RYR3: variants seen among roughly 807,000 people sequenced by gnomAD.
The protein encoded by RYR3 is brain ryanodine receptor-calcium release channel.
RYR3 carries 207 observed loss-of-function variants against 584.3 expected under a neutral mutation model. The observed-to-expected ratio is 0.35, with a 90% CI of 0.32 to 0.40. The LOEUF (loss-of-function observed/expected upper bound fraction) is 0.40, where lower values mean the gene tolerates loss of function less well. RYR3 is among the 10% of genes least tolerant of loss of function. RYR3 has a pLI of 1.00. For synonymous variants in RYR3, 2,416 were observed against 2,248.5 expected, an observed-to-expected ratio of 1.07 and a Z score of -2.11; for missense variants, 5,616 against 6,089.2, an observed-to-expected ratio of 0.92 and a Z score of 2.59.
chr15:33,671,966 A>G (rs1242696244), intron 38 of RYR3, among the ~76,000 whole-genome samples: 1 of 151,820 alleles, frequency 6.6e-6, no homozygotes, highest in Non-Finnish European at 1.5e-5. Context: ...GGCATGCGCC[A>G]CCATGTCTGG....
At chr15:33,860,962 C>G in intron 101 of RYR3, 116 bp from the exon 102 acceptor site, 1 of 836,702 alleles carries the variant, frequency 1.2e-6, no homozygotes, top group Non-Finnish European at 2.0e-6. Context: ...TGACTAATAG[C>G]CAAAAGCATT....
At chr15:33,655,381 A>G (rs189166384) in intron 32 of RYR3, among the ~76,000 whole-genome samples, 11 of 152,358 alleles carry the variant, frequency 7.2e-5, no homozygotes, top group Admixed American at 6.5e-4. Context: ...ACGCTAAAGC[A>G]TCTCATAACT....
chr15:33,396,452 A>C (rs1294566816), intron 1 of RYR3, among the ~76,000 whole-genome samples: 1 of 152,170 alleles, frequency 6.6e-6, no homozygotes, highest in Non-Finnish European at 1.5e-5. Context: ...TCTGCTCTTG[A>C]GTGAAGTAAT....
intron 1 of RYR3, among the ~76,000 whole-genome samples, chr15:33,378,951 T>G (rs1475427759): frequency 6.6e-6 from 1 of 151,836 alleles, no homozygotes; most frequent in Non-Finnish European, 1.5e-5. Context: ...GGCAATAAAG[T>G]GAGACCTCAT....
chr15:33,377,362 C>A (rs924419585), intron 1 of RYR3, among the ~76,000 whole-genome samples: 1 of 152,176 alleles, frequency 6.6e-6, no homozygotes, highest in Non-Finnish European at 1.5e-5. Context: ...CCTTCCAAGA[C>A]CACATGGATG....
rs762207625 is a variant in RYR3 at position 33,539,339 on chromosome 15, C to T, written c.434-11C>T. 2 of 1,545,316 alleles carry T rather than the reference C, an allele frequency of 1.3e-6. No individual in the cohort carries two copies. The highest frequency in any genetic ancestry group is 4.6e-5 in the East Asian group (2 of 43,020). On this transcript the variant is annotated splice_polypyrimidine_tract_variant and intron_variant, in intron 5 of 103. Coordinates refer to ENST00000634891, the MANE Select transcript of RYR3 (RefSeq NM_001036.6). ...GTGAAGCAATGACTAACTCAAGGAG[C>T]CTTCATGTAGGAGAAGCCTGTTGGT...
intron 3 of RYR3, among the ~76,000 whole-genome samples, chr15:33,520,507 A>C (rs1245124965): frequency 6.6e-6 from 1 of 152,166 alleles, no homozygotes; most frequent in Non-Finnish European, 1.5e-5. Flanking sequence ...CTAGAAAACA[A>C]ATTTGGCTGA....
intron 1 of RYR3, among the ~76,000 whole-genome samples, chr15:33,322,284 C>A (rs554538813): frequency 6.6e-6 from 1 of 152,172 alleles, no homozygotes; most frequent in South Asian, 2.1e-4. Context: ...TCTGGGGAGG[C>A]CTCCAGGAGC....
At chr15:33,789,622 TTTTATATATATATATATA>T (rs1419034517) in intron 67 of RYR3, among the ~76,000 whole-genome samples, 34 of 32,386 alleles carry the variant, frequency 1.0e-3, no homozygotes, top group East Asian at 2.3e-3. Context: ...CCAGGTTTTA[TTTTATATATATATATATA>T]TATATATATA....
chr15:33,720,028 A>T (rs1204835636), intron 43 of RYR3, among the ~76,000 whole-genome samples: 1 of 152,244 alleles, frequency 6.6e-6, no homozygotes, highest in East Asian at 1.9e-4. Context: ...ACTTGAAGAC[A>T]AACTTCTTTA....
At chr15:33,554,328 T>C (rs2141282421) in intron 10 of RYR3, among the ~76,000 whole-genome samples, 1 of 146,704 alleles carries the variant, frequency 6.8e-6, no homozygotes, top group African/African-American at 2.5e-5. Context: ...GGAGTCTCGT[T>C]CTGTTGCCCA....
chr15:33,560,797 A>C (rs1036038026), intron 10 of RYR3, among the ~76,000 whole-genome samples: 2 of 152,206 alleles, frequency 1.3e-5, no homozygotes, highest in Non-Finnish European at 2.9e-5. Flanking sequence ...TCATCTATCA[A>C]ATACTATTTT....
rs531211245 is a variant in RYR3 at position 33,836,677 on chromosome 15, A to C, written c.11569-229A>C. On this transcript the variant is annotated intron_variant, in intron 87 of 103. Transcript: ENST00000634891. The stretch of plus-strand genomic sequence containing the variant: ...GGTATATCTGCCACATTGTACTAAT[A>C]AAAGGAAAAATGTAAAGGAGCTTTG... Among the ~76,000 whole-genome samples, 11 of 152,322 alleles carry C rather than the reference A, an allele frequency of 7.2e-5. No homozygotes were observed. The South Asian group carries it at 2.3e-3, about 32-fold the overall frequency.
intron 48 of RYR3, among the ~76,000 whole-genome samples, chr15:33,734,335 C>G (rs2069217124): frequency 6.6e-6 from 1 of 152,176 alleles, no homozygotes; most frequent in Non-Finnish European, 1.5e-5. Context: ...AATAAGGTAC[C>G]TAGGTTTTGC....
chr15:33,647,471 G>T lies in RYR3; in HGVS notation c.3978+11G>T. 1 of 1,586,802 alleles carries T rather than the reference G, an allele frequency of 6.3e-7. No homozygotes were observed. Among genetic ancestry groups the T allele is most frequent in the South Asian group, 1.1e-5 (1 of 90,348 alleles). The stretch of plus-strand genomic sequence containing the variant: ...TCTCATACAACAACAGTAAGTAAAT[G>T]TGCTCAATTATGGTTTTAATTATTT... On this transcript the variant is annotated intron_variant, in intron 30 of 103. Transcript: ENST00000634891.
Position 33,660,218 on chromosome 15 carries a change from G to T in RYR3, c.4417G>T (p.Ala1473Ser). ...CCAGAACGCAATGCCCCTGTCAGCG[G>T]CCATATTCAGGAGTGAAGAGAAGAA... ...KLKNAMPLSA[A>S]IFRSEEKNPV... The change falls in exon 34 of 104, where the codon GCC becomes TCC. Residue 1473 changes from alanine to serine, a missense_variant. Around this residue, in one of 9 missense-constraint regions of RYR3, gnomAD observed 753 missense variants for 741.0 expected, o/e 1.02. Coordinates refer to ENST00000634891, the MANE Select transcript of RYR3 (RefSeq NM_001036.6). The T allele has an allele frequency of 6.4e-7, 1 of 1,552,402 alleles. No homozygotes were observed. The highest frequency in any genetic ancestry group is 8.7e-7 in the Non-Finnish European group (1 of 1,147,378).
At position 33,662,690 on chromosome 15, in the gene RYR3, C is replaced by G; in HGVS notation, c.5160C>G (p.Phe1720Leu). ...IRDPVGGSVE[F>L]QFVPVLKLIG... ...ACCCTGTAGGGGGGTCTGTGGAGTT[C>G]CAGTTTGTGCCTGTGCTGAAACTCA... Residue 1720 changes from phenylalanine (F) to leucine (L), a missense_variant, in exon 35 of 104, where the codon TTC (phenylalanine) becomes TTG (leucine). This residue lies in a region of RYR3 where 753 missense variants were observed against 741.0 expected (regional missense o/e 1.02). Transcript: ENST00000634891. 1 of 1,614,130 alleles carries G rather than the reference C, an allele frequency of 6.2e-7. No individual in the cohort carries two copies. The highest frequency in any genetic ancestry group is 8.5e-7 in the Non-Finnish European group (1 of 1,180,010).
In RYR3 at chr15:33,701,050, G is replaced by T. The variant is rs770216543; in HGVS notation, c.6453G>T (p.Ala2151=). Residue 2151 remains alanine, a synonymous_variant, in exon 42 of 104, where the codon GCG becomes GCT. Transcript: ENST00000634891. ...CTGTGATGGACAACAATGAGTTAGC[G>T]CTGAGCTTAGAGGAACCAGACCTCG... ...ASSVMDNNEL[A]LSLEEPDLEK... The T allele has an allele frequency of 6.2e-7, 1 of 1,613,100 alleles. No individual in the cohort carries two copies. The highest frequency in any genetic ancestry group is 8.5e-7 in the Non-Finnish European group (1 of 1,179,622).
At chr15:33,335,032 A>G (rs964486947) in intron 1 of RYR3, among the ~76,000 whole-genome samples, 1 of 152,176 alleles carries the variant, frequency 6.6e-6, no homozygotes, top group Middle Eastern at 3.2e-3. Flanking sequence ...AAAATAACAC[A>G]CGTCAGTGAG....
Sources: gnomAD v4.1 joint callset for allele counts (sites outside exome capture counted in the v4.1 genomes callset) on GRCh38, gnomAD v4.1.1 for gene constraint, gnomAD v4.1.1 regional missense constraint, MANE v1.5 for transcripts, NCBI Gene and HGNC (gene_info 2026-07-23, HGNC 2026-07-21) for gene names.